NELL1: variants seen among roughly 807,000 people sequenced by gnomAD.
NELL1 encodes protein kinase C-binding protein NELL1.
In NELL1, 76 loss-of-function variants were observed where a neutral mutation model predicts 107.4. That is an observed-to-expected ratio of 0.71 (90% CI 0.59 to 0.86). The LOEUF (loss-of-function observed/expected upper bound fraction) is 0.86. NELL1 is among the 40% of genes least tolerant of loss of function. NELL1 has a pLI of 0.00. For missense variants in NELL1, 1,024 were observed against 1,005.5 expected, an observed-to-expected ratio of 1.02 and a Z score of -0.25; for synonymous variants, 353 against 341.2, an observed-to-expected ratio of 1.03 and a Z score of -0.38.
At position 21,281,967 on chromosome 11, in the gene NELL1, C is replaced by T. The variant is rs565479368; in HGVS notation, c.1549+52513C>T. ...TTCTTCTTGTGTAATAATTTACACGCATAGACAACAAAAGCAAAAGTGGGC... is the reference window on the plus strand; with the variant it reads ...TTCTTCTTGTGTAATAATTTACACGTATAGACAACAAAAGCAAAAGTGGGC... On this transcript the variant is annotated intron_variant, in intron 14 of 19. Coordinates refer to ENST00000357134, the MANE Select transcript of NELL1 (RefSeq NM_006157.5). 3.9e-5 allele frequency among the ~76,000 whole-genome samples: 6 copies of T among 152,246 alleles called. No homozygotes were observed. The East Asian group carries it at 1.2e-3, about 29-fold the overall frequency.
At chr11:20,858,350 C>T (rs914718486) in intron 4 of NELL1, among the ~76,000 whole-genome samples, 1 of 152,150 alleles carries the variant, frequency 6.6e-6, no homozygotes, top group Non-Finnish European at 1.5e-5. Context: ...CTAGTACTGA[C>T]ACTATAAAGT....
chr11:20,689,688 T>C (rs1319762343), intron 2 of NELL1, among the ~76,000 whole-genome samples: 1 of 149,412 alleles, frequency 6.7e-6, no homozygotes, highest in Admixed American at 6.7e-5. Context: ...TCTATCATTG[T>C]TGGACATTTG....
intron 14 of NELL1, among the ~76,000 whole-genome samples, chr11:21,237,140 G>A (rs1858229231): frequency 6.6e-6 from 1 of 152,084 alleles, no homozygotes; most frequent in African/African-American, 2.4e-5. Flanking sequence ...TCCCAGGAGG[G>A]CAAGGCACAG....
chr11:21,122,323 C>T (rs1026213393), intron 13 of NELL1, among the ~76,000 whole-genome samples: 3 of 152,164 alleles, frequency 2.0e-5, no homozygotes, highest in Admixed American at 6.5e-5. Context: ...GATGCTTTAG[C>T]GCTTACAAAA....
Position 20,928,486 on chromosome 11 carries a change from A to G in NELL1, c.997+7A>G, listed in dbSNP as rs1371919430. On this transcript the variant is annotated splice_region_variant and intron_variant, in intron 9 of 19. Coordinates refer to ENST00000357134, the MANE Select transcript of NELL1 (RefSeq NM_006157.5). The stretch of plus-strand genomic sequence containing the variant: ...TGCTGTAAGGTCTGCCGACGTAAGT[A>G]CTGACTGAGGGTCAGACTGGCTGTC... 1 of 1,608,080 alleles carries G rather than the reference A, an allele frequency of 6.2e-7. No individual in the cohort carries two copies. Among genetic ancestry groups the G allele is most frequent in the Admixed American group, 1.7e-5 (1 of 60,008 alleles).
At chr11:21,182,033 G>GA (rs1196772915) in intron 13 of NELL1, among the ~76,000 whole-genome samples, 1 of 151,856 alleles carries the variant, frequency 6.6e-6, no homozygotes, top group Non-Finnish European at 1.5e-5. Context: ...AGAATACAGA[G>GA]ACACAGAGAG....
At chr11:20,790,324 G>A (rs1857048814) in intron 3 of NELL1, among the ~76,000 whole-genome samples, 1 of 152,244 alleles carries the variant, frequency 6.6e-6, no homozygotes, top group African/African-American at 2.4e-5. Flanking sequence ...AGAGGGCTAA[G>A]GTGGCAGAGG....
At chr11:20,724,045 C>T (rs28846421) in intron 2 of NELL1, among the ~76,000 whole-genome samples, 9 of 19,856 alleles carry the variant, frequency 4.5e-4, no homozygotes, top group African/African-American at 5.7e-4. Context: ...GAGGCTGCAC[C>T]GAGAAGCTGG....
chr11:20,912,073 C>T (rs1554943144), intron 5 of NELL1, among the ~76,000 whole-genome samples: 1 of 152,182 alleles, frequency 6.6e-6, no homozygotes, highest in Non-Finnish European at 1.5e-5. Context: ...GATGTGCTTT[C>T]AGGTTAAAAT....
rs377331805 is a variant in NELL1 at position 20,913,790 on chromosome 11, CTAACAA to C, written c.604-4388_604-4383del. On this transcript the variant is annotated intron_variant, in intron 5 of 19. Transcript: ENST00000357134. ...AGATCAGCTGAGGTTCATCATTACA[CTAACAA>C]TAAGAAAATGGATTGTTTAGCAAAT... Among the ~76,000 whole-genome samples the C allele has an allele frequency of 1.9e-3, 272 of 140,074 alleles. 1 individual carries two copies. Among genetic ancestry groups the C allele is most frequent in the African/African-American group, 7.1e-3 (261 of 36,860 alleles). The allele number at this position is 140,074 out of a possible 152,430, so 91.9% of individuals were successfully genotyped here.
chr11:20,930,776 G>A (rs1209885839), intron 9 of NELL1, among the ~76,000 whole-genome samples: 4 of 147,900 alleles, frequency 2.7e-5, no homozygotes, highest in Non-Finnish European at 6.0e-5. Context: ...TTATTAAAAT[G>A]TTGATACACA....
intron 12 of NELL1, among the ~76,000 whole-genome samples, chr11:20,975,630 C>T (rs1379190126): frequency 1.6e-5 from 2 of 122,438 alleles, no homozygotes; most frequent in East Asian, 5.1e-4. Flanking sequence ...AGATATAATA[C>T]ATATATGTAT....
chr11:21,499,580 A>G (rs1329252370), intron 15 of NELL1, among the ~76,000 whole-genome samples: 1 of 152,150 alleles, frequency 6.6e-6, no homozygotes, highest in African/African-American at 2.4e-5. Flanking sequence ...CTCTGCTTCT[A>G]TAACCAGAGA....
intron 12 of NELL1, among the ~76,000 whole-genome samples, chr11:21,042,601 C>T (rs1853262108): frequency 6.6e-6 from 1 of 152,142 alleles, no homozygotes; most frequent in African/African-American, 2.4e-5. Context: ...GAAGTTGTCT[C>T]AGCACCAGGT....
intron 13 of NELL1, among the ~76,000 whole-genome samples, chr11:21,142,878 A>T (rs1855898254): frequency 6.6e-6 from 1 of 152,242 alleles, no homozygotes; most frequent in Non-Finnish European, 1.5e-5. Flanking sequence ...ATCCTAATGG[A>T]TACATAGGCC....
intron 14 of NELL1, among the ~76,000 whole-genome samples, chr11:21,312,348 T>TC (rs1849767706): frequency 6.6e-6 from 1 of 151,658 alleles, no homozygotes; most frequent in African/African-American, 2.4e-5. Context: ...AAAGGATTTT[T>TC]TTTTTTGTAT....
intron 13 of NELL1, among the ~76,000 whole-genome samples, chr11:21,204,581 G>C (rs1857347839): frequency 6.6e-6 from 1 of 151,870 alleles, no homozygotes; most frequent in African/African-American, 2.4e-5. Context: ...GGAGGAGTTT[G>C]TTATTATCCA....
At chr11:21,165,547 A>G (rs1323798381) in intron 13 of NELL1, among the ~76,000 whole-genome samples, 1 of 152,148 alleles carries the variant, frequency 6.6e-6, no homozygotes. Flanking sequence ...GAGTTACTAT[A>G]TGATTCTGCA....
intron 12 of NELL1, among the ~76,000 whole-genome samples, chr11:21,028,487 G>A (rs781691453): frequency 5.3e-5 from 8 of 152,132 alleles, no homozygotes; most frequent in African/African-American, 1.9e-4. Flanking sequence ...GTGATAACAG[G>A]TAATGCCCAC....
Sources: allele counts gnomAD v4.1 joint callset (sites outside exome capture counted in the v4.1 genomes callset), GRCh38; gene constraint gnomAD v4.1.1; transcripts MANE v1.5; gene names NCBI Gene and HGNC (gene_info 2026-07-23, HGNC 2026-07-21).